Variants in ACER3 observed in about 807,000 individuals in gnomAD.
ACER3 encodes alkaline ceramidase 3.
In ACER3, 16 loss-of-function variants were observed where a neutral mutation model predicts 48.9. That is an observed-to-expected ratio of 0.33 (90% CI 0.22 to 0.50). ACER3 has a LOEUF of 0.50. Among genes scored for constraint, ACER3 ranks in the 20% least tolerant of loss-of-function variants. ACER3 has a pLI of 0.98. For missense variants in ACER3, 227 were observed against 326.0 expected (o/e 0.70, Z 2.34); for synonymous variants, 109 against 107.8 (o/e 1.01, Z -0.07).
chr11:76,952,685 TAGAC>T (rs1947716114), intron 2 of ACER3, among the ~76,000 whole-genome samples: 1 of 144,858 alleles, frequency 6.9e-6, no homozygotes. Context: ...TTTTTTTTTT[TAGAC>T]AGAGTCTCAT....
chr11:76,868,014 G>T, intron 1 of ACER3: 1 of 948,792 alleles, frequency 1.1e-6, no homozygotes, highest in African/African-American at 1.7e-5. Context: ...TGCAGCACAA[G>T]ACAAAAGGGG....
rs1403503895 is a variant in ACER3, at chr11:77,021,233, A to G, written c.*906A>G. The stretch of plus-strand genomic sequence containing the variant: ...ACTCTGATTTTTAAAATTATGCAGT[A>G]TTTTCCAGTTCTCAGAGAGGTCATG... On this transcript the variant is annotated 3_prime_UTR_variant, in exon 11 of 11. Transcript: ENST00000532485. 2 of 152,192 alleles carry G rather than the reference A, an allele frequency of 1.3e-5. No homozygotes were observed. Among genetic ancestry groups the G allele is most frequent in the Non-Finnish European group, 2.9e-5 (2 of 68,048 alleles). The allele number at this position is 152,192 out of a possible 1,614,324, so 9.4% of individuals were successfully genotyped here.
chr11:76,870,468 T>C (rs955249079), intron 1 of ACER3, among the ~76,000 whole-genome samples: 1 of 152,066 alleles, frequency 6.6e-6, no homozygotes, highest in Non-Finnish European at 1.5e-5. Flanking sequence ...CAGTGTACAC[T>C]TGGGTTGCTT....
At chr11:76,994,136 C>T (rs1591043850) in intron 6 of ACER3, 9 of 403,090 alleles carry the variant, frequency 2.2e-5, no homozygotes, top group Admixed American at 1.4e-4. Flanking sequence ...ATTAAACTTT[C>T]TTTTTTTTTT....
intron 2 of ACER3, among the ~76,000 whole-genome samples, chr11:76,940,525 T>C (rs891378587): frequency 2.0e-5 from 3 of 152,226 alleles, no homozygotes; most frequent in Non-Finnish European, 4.4e-5. Flanking sequence ...ATAGTATGTA[T>C]AGTCTATAGT....
intron 1 of ACER3, among the ~76,000 whole-genome samples, chr11:76,889,803 G>A (rs998565536): frequency 1.3e-5 from 2 of 150,864 alleles, no homozygotes; most frequent in Non-Finnish European, 3.0e-5. Flanking sequence ...TTACTTTTTT[G>A]TATGTTTAAT....
rs377274420 is a variant in ACER3, at chr11:76,892,841, A to G, written c.103+31762A>G. 3.3e-5 allele frequency among the ~76,000 whole-genome samples: 5 copies of G among 152,330 alleles called. No homozygotes were observed. In the East Asian group the frequency reaches 9.6e-4, roughly 29 times the overall value. ...TTGTCACGAGAAAGAAAGGAATTAA[A>G]AGCATCCAAATTGACAAGGAGGAGG... On this transcript the variant is annotated intron_variant, in intron 1 of 10. Coordinates refer to ENST00000532485, the MANE Select transcript of ACER3 (RefSeq NM_018367.7).
intron 6 of ACER3, among the ~76,000 whole-genome samples, chr11:76,996,024 C>G (rs1316861532): frequency 1.3e-5 from 2 of 152,042 alleles, no homozygotes; most frequent in Non-Finnish European, 2.9e-5. Flanking sequence ...CAGAAGTGAA[C>G]TCACTACTTT....
chr11:76,988,796 T>C (rs754171123), intron 5 of ACER3, among the ~76,000 whole-genome samples: 11 of 152,218 alleles, frequency 7.2e-5, no homozygotes, highest in Non-Finnish European at 1.6e-4. Context: ...CTAGAGATTG[T>C]CAGTGACTTG....
rs1016465943 is a variant in ACER3, at chr11:76,964,751, T to C, written c.267+5720T>C. On this transcript the variant is annotated intron_variant, in intron 3 of 10. Coordinates refer to ENST00000532485, the MANE Select transcript of ACER3 (RefSeq NM_018367.7). The stretch of plus-strand genomic sequence containing the variant: ...ACTCCAACAGACCTGCAGCTGAGGG[T>C]CCTGACTGTTAGAAGGACAACTAAC... 1.4e-4 allele frequency among the ~76,000 whole-genome samples: 21 copies of C among 150,910 alleles called. No individual in the cohort carries two copies. The South Asian group carries it at 4.0e-3, about 28-fold the overall frequency.
chr11:76,965,928 A>T (rs929176255), intron 3 of ACER3, among the ~76,000 whole-genome samples: 2 of 151,294 alleles, frequency 1.3e-5, no homozygotes, highest in Non-Finnish European at 2.9e-5. Flanking sequence ...AGCTAACATC[A>T]TAATGACAGG....
At chr11:77,001,122 G>A (rs1317129963) in intron 7 of ACER3, among the ~76,000 whole-genome samples, 8 of 152,082 alleles carry the variant, frequency 5.3e-5, no homozygotes, top group Non-Finnish European at 1.2e-4. Flanking sequence ...AAGCAGTTGT[G>A]ATATTGTATT....
chr11:76,862,379 A>C (rs1944964891), intron 1 of ACER3, among the ~76,000 whole-genome samples: 1 of 152,204 alleles, frequency 6.6e-6, no homozygotes, highest in Non-Finnish European at 1.5e-5. Flanking sequence ...CTTTTCTTCA[A>C]CTATTAAATT....
At chr11:76,959,082 C>G (rs1357854713) in intron 3 of ACER3, 51 bp downstream of exon 3, 1 of 1,612,262 alleles carries the variant, frequency 6.2e-7, no homozygotes, top group Admixed American at 1.7e-5. Flanking sequence ...TTCAGAAGTA[C>G]TTCAGATTTG....
intron 7 of ACER3, among the ~76,000 whole-genome samples, chr11:77,001,415 C>T (rs1949029213): frequency 6.6e-6 from 1 of 152,056 alleles, no homozygotes; most frequent in Non-Finnish European, 1.5e-5. Context: ...ACCACCATGC[C>T]CAGCTAATTT....
At chr11:77,010,231 C>T (rs1949234938) in intron 7 of ACER3, among the ~76,000 whole-genome samples, 1 of 151,302 alleles carries the variant, frequency 6.6e-6, no homozygotes, top group African/African-American at 2.4e-5. Flanking sequence ...TCTTGTAGTC[C>T]TAACTACTCG....
intron 1 of ACER3, among the ~76,000 whole-genome samples, chr11:76,918,880 A>G (rs2134770150): frequency 6.6e-6 from 1 of 152,354 alleles, no homozygotes; most frequent in South Asian, 2.1e-4. Flanking sequence ...ATGAATTTAG[A>G]TGATCTCCCT....
intron 1 of ACER3, among the ~76,000 whole-genome samples, chr11:76,922,020 CA>C (rs1042355520): frequency 4.6e-5 from 7 of 152,122 alleles, no homozygotes; most frequent in Non-Finnish European, 1.0e-4. Flanking sequence ...TGAATTAAAG[CA>C]GAGAAAAGTA....
At chr11:76,999,807 G>A (rs1948990775) in intron 7 of ACER3, among the ~76,000 whole-genome samples, 1 of 151,992 alleles carries the variant, frequency 6.6e-6, no homozygotes, top group Admixed American at 6.6e-5. Context: ...CCTTTCTATT[G>A]CTGAGTAGTA....
Sources: allele counts gnomAD v4.1 joint callset (sites outside exome capture counted in the v4.1 genomes callset), GRCh38; gene constraint gnomAD v4.1.1; transcripts MANE v1.5; gene names NCBI Gene and HGNC (gene_info 2026-07-23, HGNC 2026-07-21).